Variants in DOP1B observed in about 807,000 individuals in gnomAD.
The protein encoded by DOP1B is DOP1 leucine zipper like protein B, also known as protein DOP1B.
DOP1B carries 174 observed loss-of-function variants against 233.5 expected under a neutral mutation model. The ratio of observed to expected loss-of-function variants is 0.75; its 90% CI spans 0.66 to 0.85. DOP1B has a LOEUF of 0.85. Among genes scored for constraint, DOP1B ranks in the 40% least tolerant of loss-of-function variants. The pLI, the probability that DOP1B is intolerant of heterozygous loss-of-function variation, is 0.00. For synonymous variants in DOP1B, 1,190 were observed against 1,185.6 expected (o/e 1.00, Z -0.08); for missense variants, 2,652 against 2,846.6 (o/e 0.93, Z 1.56).
chr21:36,294,213 GTA>G lies in DOP1B; in HGVS notation c.*646_*647del, dbSNP rs1327679351. On this transcript the variant is annotated 3_prime_UTR_variant, in exon 37 of 37. Coordinates refer to ENST00000691173, the MANE Select transcript of DOP1B (RefSeq NM_001320714.2). ...GAAGCAGTTATATGGGTCTTTCTCAGTATATTTCTCTTTTCTCTAAAAGTTTA... is the reference window on the plus strand; with the variant it reads ...GAAGCAGTTATATGGGTCTTTCTCAGTATTTCTCTTTTCTCTAAAAGTTTA... The G allele has an allele frequency of 6.6e-6, 1 of 152,572 alleles. No individual in the cohort carries two copies. The highest frequency in any genetic ancestry group is 1.5e-5 in the Non-Finnish European group (1 of 68,066). The allele number at this position is 152,572 out of a possible 1,614,324, so 9.5% of individuals were successfully genotyped here. A position where few individuals can be genotyped will look rare whatever the true frequency, so the allele number is the denominator to read the frequency against.
intron 4 of DOP1B, among the ~76,000 whole-genome samples, chr21:36,202,781 G>T (rs542480812): frequency 6.6e-6 from 1 of 152,150 alleles, no homozygotes; most frequent in Non-Finnish European, 1.5e-5. Context: ...CCAGCGCCAG[G>T]CCCTGTGGCT....
Position 36,239,898 on chromosome 21 carries a change from C to G in DOP1B, c.3010C>G (p.Leu1004Val). 6.2e-7 allele frequency: 1 copy of G among 1,609,136 alleles called. No homozygotes were observed. The highest frequency in any genetic ancestry group is 8.5e-7 in the Non-Finnish European group (1 of 1,179,016). ...CCTCGAACCCGTGCTCCTGCTGCTG[C>G]TGCAGCCAAAAACCCAGAGAACCTC... ...RILEPVLLLL[L>V]QPKTQRTSIH... The change falls in exon 18 of 37, where the codon CTG becomes GTG. Residue 1004 changes from leucine to valine, a missense_variant. By Grantham distance (32) the Leu-to-Val change is conservative. Coordinates refer to ENST00000691173, the MANE Select transcript of DOP1B (RefSeq NM_001320714.2).
chr21:36,183,596 G>A (rs368940190), intron 2 of DOP1B, among the ~76,000 whole-genome samples: 3 of 152,238 alleles, frequency 2.0e-5, no homozygotes, highest in East Asian at 1.9e-4. Flanking sequence ...GGAGCAGGAC[G>A]CCTACAGAGC....
intron 2 of DOP1B, among the ~76,000 whole-genome samples, chr21:36,187,381 G>A (rs1036589438): frequency 1.3e-5 from 2 of 151,824 alleles, no homozygotes; most frequent in Non-Finnish European, 2.9e-5. Context: ...TGCAACCTCC[G>A]CCTCCCAGGT....
rs558072591 is a variant in DOP1B, at chr21:36,258,717, G to A, written c.5260-1960G>A. On this transcript the variant is annotated intron_variant, in intron 23 of 36. Transcript: ENST00000691173. Reference sequence around the variant, plus strand: ...TGCTCTATGTGCACTGAGTGGTGTCGTGGAGGCTAAATAGTGGAAAAAGCA... The same window carrying A: ...TGCTCTATGTGCACTGAGTGGTGTCATGGAGGCTAAATAGTGGAAAAAGCA... 3.9e-5 allele frequency among the ~76,000 whole-genome samples: 6 copies of A among 152,258 alleles called. No individual in the cohort carries two copies. In the South Asian group the frequency reaches 6.2e-4, roughly 16 times the overall value.
At chr21:36,225,706 A>G (rs1569032784) in intron 12 of DOP1B, 39 bp downstream of exon 12, 3 of 1,600,730 alleles carry the variant, frequency 1.9e-6, no homozygotes, top group Non-Finnish European at 2.6e-6. Flanking sequence ...GCCTGCTATT[A>G]TTTACATTCT....
At chr21:36,194,105 C>T (rs1411091921) in intron 2 of DOP1B, among the ~76,000 whole-genome samples, 1 of 152,174 alleles carries the variant, frequency 6.6e-6, no homozygotes, top group East Asian at 1.9e-4. Context: ...ATATTTAGAC[C>T]AGGCATCAGT....
chr21:36,172,675 C>T (rs1568998847), intron 2 of DOP1B, among the ~76,000 whole-genome samples: 1 of 152,128 alleles, frequency 6.6e-6, no homozygotes, highest in Non-Finnish European at 1.5e-5. Flanking sequence ...GTGGGAGGAT[C>T]CCTGGAGCCT....
chr21:36,204,844 G>A (rs1300647135), intron 4 of DOP1B, among the ~76,000 whole-genome samples: 1 of 151,692 alleles, frequency 6.6e-6, no homozygotes, highest in Admixed American at 6.6e-5. Context: ...TAGTAGAGAC[G>A]GAGTTTCACC....
intron 2 of DOP1B, among the ~76,000 whole-genome samples, chr21:36,171,782 T>C (rs935204229): frequency 8.5e-5 from 13 of 152,206 alleles, no homozygotes; most frequent in African/African-American, 2.9e-4. Context: ...GGCACTTCGT[T>C]ATAGCAGCCC....
chr21:36,235,818 G>A (rs1368382598), intron 15 of DOP1B, among the ~76,000 whole-genome samples: 1 of 148,262 alleles, frequency 6.7e-6, no homozygotes, highest in African/African-American at 2.4e-5. Flanking sequence ...CCTTCCGGAA[G>A]GGAGTCTCTT....
Position 36,292,100 on chromosome 21 carries a change from G to A in DOP1B, c.6516-4G>A. ...AGACCTGACCTTCTGTTTGTTCCCT[G>A]CAGTTATAGGTGGGCATTTATTCCA... On this transcript the variant is annotated splice_region_variant and splice_polypyrimidine_tract_variant and intron_variant, in intron 35 of 36. Transcript: ENST00000691173. The A allele has an allele frequency of 6.3e-7, 1 of 1,591,306 alleles. No individual in the cohort carries two copies. The highest frequency in any genetic ancestry group is 8.5e-7 in the Non-Finnish European group (1 of 1,173,872).
At position 36,223,365 on chromosome 21, in the gene DOP1B, C is replaced by A. The variant is rs770964088; in HGVS notation, c.1370+15C>A. The A allele has an allele frequency of 6.2e-6, 10 of 1,602,418 alleles. No individual in the cohort carries two copies. Among genetic ancestry groups the A allele is most frequent in the South Asian group, 1.1e-5 (1 of 87,956 alleles). The stretch of plus-strand genomic sequence containing the variant: ...GAATGCTTTAGGTAAGTATGCAGTT[C>A]AAGAATGCAGAATATTTAGGAAGGA... On this transcript the variant is annotated intron_variant, in intron 11 of 36. Transcript: ENST00000691173.
chr21:36,280,372 A>G, intron 31 of DOP1B, 26 bp downstream of exon 31: 1 of 1,532,436 alleles, frequency 6.5e-7, no homozygotes, highest in Non-Finnish European at 9.0e-7. Context: ...CTTTTGCATA[A>G]CTCACACTTG....
rs2066842663 is a variant in DOP1B, at chr21:36,237,564, C to T, written c.2775+150C>T. On this transcript the variant is annotated intron_variant, in intron 16 of 36. Coordinates refer to ENST00000691173, the MANE Select transcript of DOP1B (RefSeq NM_001320714.2). Reference sequence around the variant, plus strand: ...AATAAGCAGAGGTGTTCTAGGATTTCAGTACTGGAAGGCCACTAGAAGCAT... The same window carrying T: ...AATAAGCAGAGGTGTTCTAGGATTTTAGTACTGGAAGGCCACTAGAAGCAT... The T allele has an allele frequency of 3.7e-6, 4 of 1,067,230 alleles. No individual in the cohort carries two copies. In the Admixed American group the frequency reaches 7.5e-5, roughly 20 times the overall value. The allele number at this position is 1,067,230 out of a possible 1,614,324, so 66.1% of individuals were successfully genotyped here. A position where few individuals can be genotyped will look rare whatever the true frequency, so the allele number is the denominator to read the frequency against.
chr21:36,202,991 T>TG (rs2066386399), intron 4 of DOP1B, among the ~76,000 whole-genome samples: 1 of 152,260 alleles, frequency 6.6e-6, no homozygotes, highest in African/African-American at 2.4e-5. Flanking sequence ...ATTGGACAGA[T>TG]GAACACATTA....
rs144959826 is a variant in DOP1B, at chr21:36,184,393, A to G, written c.139-14677A>G. On this transcript the variant is annotated intron_variant, in intron 2 of 36. Transcript: ENST00000691173. ...AGAGGCGGGTTTCGCTATGTTGCCC[A>G]GGCTGGTCTTGAACTCCTGACCTCA... Among the ~76,000 whole-genome samples the G allele has an allele frequency of 9.2e-3, 1,397 of 152,102 alleles. 26 individuals carry two copies. The highest frequency in any genetic ancestry group is 0.033 in the African/African-American group (1,349 of 41,500).
At chr21:36,273,204 C>G (rs183743383) in intron 27 of DOP1B, among the ~76,000 whole-genome samples, 73 of 151,820 alleles carry the variant, frequency 4.8e-4, no homozygotes, top group African/African-American at 1.7e-3. Context: ...GTCAGGAGTT[C>G]AAGACCAGCC....
chr21:36,177,795 C>T (rs985600681), intron 2 of DOP1B, among the ~76,000 whole-genome samples: 3 of 152,208 alleles, frequency 2.0e-5, no homozygotes, highest in Admixed American at 2.0e-4. Context: ...AGAAGGCCCT[C>T]ACCAGATGCA....
Sources: allele counts gnomAD v4.1 joint callset (sites outside exome capture counted in the v4.1 genomes callset), GRCh38; gene constraint gnomAD v4.1.1; transcripts MANE v1.5; gene names NCBI Gene and HGNC (gene_info 2026-07-23, HGNC 2026-07-21).